The following DLC1 variants were observed in gnomAD, a reference collection of about 807,000 sequenced individuals.
DLC1 encodes the protein rho GTPase-activating protein 7.
Under a neutral mutation model 140.3 loss-of-function variants are expected in DLC1, and 54 were observed. The observed-to-expected ratio is 0.38, with a 90% confidence interval of 0.31 to 0.48. The LOEUF is 0.48. Ranked by LOEUF, DLC1 falls within the 20% of genes least tolerant of loss-of-function variation. The probability of loss-of-function intolerance (pLI) is 0.96; values close to 1 mark genes in which losing one functional copy is unlikely to be tolerated. For synonymous variants in DLC1, 986 were observed against 728.1 expected, an observed-to-expected ratio of 1.35 and a Z score of -5.70; for missense variants, 2,536 against 1,907.0, an observed-to-expected ratio of 1.33 and a Z score of -6.14.
chr8:13,329,011 T>C (rs1833484935), intron 4 of DLC1, among the ~76,000 whole-genome samples: 1 of 152,134 alleles, frequency 6.6e-6, no homozygotes, highest in Non-Finnish European at 1.5e-5. Flanking sequence ...AAGAGGAAGC[T>C]GGAGGGTAGG....
intron 15 of DLC1, 111 bp downstream of exon 15, chr8:13,090,141 G>T: frequency 2.0e-6 from 2 of 1,017,814 alleles, no homozygotes; most frequent in South Asian, 1.6e-5. Context: ...TACAAGGGAG[G>T]TTGTGGGCTA....
At chr8:13,119,829 C>G (rs568370298) in intron 5 of DLC1, among the ~76,000 whole-genome samples, 1 of 151,600 alleles carries the variant, frequency 6.6e-6, no homozygotes. Context: ...TGCCTGTATT[C>G]GCAGCTACTC....
intron 1 of DLC1, among the ~76,000 whole-genome samples, chr8:13,592,412 C>G (rs576033942): frequency 2.6e-5 from 4 of 151,898 alleles, no homozygotes; most frequent in African/African-American, 9.6e-5. Context: ...TTATATTTCT[C>G]CCATTTTTTG....
At chr8:13,542,137 T>C (rs897075607) in intron 1 of DLC1, among the ~76,000 whole-genome samples, 2 of 152,254 alleles carry the variant, frequency 1.3e-5, no homozygotes, top group Non-Finnish European at 2.9e-5. Flanking sequence ...AAATGTTTAC[T>C]TAATTCAAGA....
At chr8:13,264,646 G>A (rs1004161316) in intron 5 of DLC1, among the ~76,000 whole-genome samples, 3 of 152,138 alleles carry the variant, frequency 2.0e-5, no homozygotes, top group African/African-American at 7.2e-5. Context: ...GGCTGTAACA[G>A]CAACTGCAAT....
chr8:13,501,987 A>G (rs1209903272), intron 1 of DLC1, among the ~76,000 whole-genome samples: 4 of 152,200 alleles, frequency 2.6e-5, no homozygotes, highest in Admixed American at 6.5e-5. Context: ...CTCACTTAAG[A>G]AATACCAAGT....
At chr8:13,554,626 C>T (rs570626388) in intron 1 of DLC1, among the ~76,000 whole-genome samples, 202 of 152,212 alleles carry the variant, frequency 1.3e-3, no homozygotes, top group African/African-American at 4.7e-3. Context: ...ATTCCCAAAC[C>T]CTCTAAGAAA....
In DLC1 at chr8:13,498,857, G is replaced by T. The variant is rs540589991; in HGVS notation, c.1023+192C>A. 2.0e-4 allele frequency: 119 copies of T among 595,604 alleles called. 1 individual carries two copies. The South Asian group carries it at 2.6e-3, about 13-fold the overall frequency. The allele number at this position is 595,604 out of a possible 1,614,324, so 36.9% of individuals were successfully genotyped here. ...CATTATACACATTATTAGTGAAACG[G>T]ATAGATTATTATTCTTTAATTTTTA... is the stretch of plus-strand genomic sequence containing the variant. On this transcript the variant is annotated intron_variant, in intron 2 of 17. Transcript: ENST00000276297.
intron 5 of DLC1, among the ~76,000 whole-genome samples, chr8:13,257,721 GA>G (rs56257500): frequency 0.67 from 98,301 of 145,846 alleles, 33,087 homozygotes; most frequent in East Asian, 0.92. Context: ...CGGAAAAGAA[GA>G]AAAAAAAAAA....
chr8:13,146,510 T>C (rs1339685591), intron 5 of DLC1, among the ~76,000 whole-genome samples: 2 of 151,856 alleles, frequency 1.3e-5, no homozygotes, highest in Admixed American at 6.6e-5. Flanking sequence ...ATTTTCTTCT[T>C]TGTATTGTCA....
chr8:13,587,331 A>G (rs534010255), intron 1 of DLC1, among the ~76,000 whole-genome samples: 4 of 152,088 alleles, frequency 2.6e-5, no homozygotes, highest in Non-Finnish European at 4.4e-5. Context: ...CAGCTGGAAC[A>G]TATGTCTATT....
intron 5 of DLC1, among the ~76,000 whole-genome samples, chr8:13,121,315 T>C (rs1176112329): frequency 6.6e-6 from 1 of 152,118 alleles, no homozygotes; most frequent in Non-Finnish European, 1.5e-5. Context: ...TTCCTTCAAA[T>C]GGGAAGGAAG....
At position 13,090,422 on chromosome 8, in the gene DLC1, G is replaced by A; in HGVS notation, c.3904C>T (p.Leu1302=). 6.2e-7 allele frequency: 1 copy of A among 1,614,206 alleles called. No homozygotes were observed. The highest frequency in any genetic ancestry group is 8.5e-7 in the Non-Finnish European group (1 of 1,180,048). Residue 1302 remains leucine, a synonymous_variant, in exon 15 of 18, where the codon CTG becomes TTG. Transcript: ENST00000276297. ...AGTGCTTCCAGAGTGAGGGGCTTCA[G>A]CTCTTGTTCGGTATAGGAATTACGA... The part of the protein sequence containing the change: ...RCRNSYTEQE[L]KPLTLEALGH...
intron 5 of DLC1, chr8:13,116,186 G>A: frequency 1.0e-6 from 1 of 985,540 alleles, no homozygotes; most frequent in Non-Finnish European, 1.2e-6. Flanking sequence ...TACTCATCAG[G>A]TATTAATCCA....
At chr8:13,510,400 T>C (rs1424573436) in intron 1 of DLC1, among the ~76,000 whole-genome samples, 1 of 152,034 alleles carries the variant, frequency 6.6e-6, no homozygotes, top group Middle Eastern at 3.2e-3. Flanking sequence ...TGGTCTCGAA[T>C]TCTTGACCTC....
intron 4 of DLC1, among the ~76,000 whole-genome samples, chr8:13,322,959 C>G (rs1310284966): frequency 6.6e-6 from 1 of 152,176 alleles, no homozygotes; most frequent in Admixed American, 6.5e-5. Flanking sequence ...GGAAAGCTAG[C>G]AGCCATGTCA....
At chr8:13,308,110 G>T (rs1383254651) in intron 4 of DLC1, among the ~76,000 whole-genome samples, 2 of 152,126 alleles carry the variant, frequency 1.3e-5, no homozygotes, top group African/African-American at 4.8e-5. Context: ...TATTTTATTT[G>T]ATTTCAAAAG....
At chr8:13,464,932 T>A (rs1398746376) in intron 2 of DLC1, among the ~76,000 whole-genome samples, 1 of 152,036 alleles carries the variant, frequency 6.6e-6, no homozygotes, top group African/African-American at 2.4e-5. Flanking sequence ...AAACAGGGAC[T>A]CACTATGTTG....
chr8:13,453,679 T>C (rs1799261943), intron 2 of DLC1, among the ~76,000 whole-genome samples: 1 of 148,666 alleles, frequency 6.7e-6, no homozygotes, highest in Non-Finnish European at 1.5e-5. Flanking sequence ...CAAAAGAATT[T>C]ATAGAAATGA....
Sources: gnomAD v4.1 joint callset for allele counts (sites outside exome capture counted in the v4.1 genomes callset) on GRCh38, gnomAD v4.1.1 for gene constraint, MANE v1.5 for transcripts, NCBI Gene and HGNC (gene_info 2026-07-23, HGNC 2026-07-21) for gene names.